The following PHEX variants were observed in gnomAD, a reference collection of about 807,000 sequenced individuals.
PHEX encodes the protein phosphate regulating endopeptidase X-linked.
Under a neutral mutation model 68.0 loss-of-function variants are expected in PHEX, and 16 were observed. The ratio of observed to expected loss-of-function variants is 0.24; its 90% CI spans 0.16 to 0.36. The LOEUF (loss-of-function observed/expected upper bound fraction) is 0.36, where lower values mean the gene tolerates loss of function less well. Among genes scored for constraint, PHEX ranks in the 10% least tolerant of loss-of-function variants. PHEX has a pLI of 1.00. For missense variants in PHEX, 480 were observed against 575.5 expected, an observed-to-expected ratio of 0.83 and a Z score of 1.70; for synonymous variants, 208 against 205.1, an observed-to-expected ratio of 1.01 and a Z score of -0.12.
chrX:22,236,271 T>C (rs960249750), intron 20 of PHEX, among the ~76,000 whole-genome samples: 3 of 112,492 alleles, frequency 2.7e-5, no homozygotes, highest in African/African-American at 6.5e-5. Context: ...TTTTCTTTTA[T>C]CTTCAACTCC....
At chrX:22,078,726 C>A (rs1398005305) in intron 5 of PHEX, among the ~76,000 whole-genome samples, 1 of 111,835 alleles carries the variant, frequency 8.9e-6, no homozygotes, top group African/African-American at 3.2e-5. Context: ...CTACTTAATT[C>A]TGCCATTGTG....
At chrX:22,198,297 G>T (rs778883064) in intron 15 of PHEX, among the ~76,000 whole-genome samples, 1 of 107,278 alleles carries the variant, frequency 9.3e-6, no homozygotes, top group Admixed American at 1.0e-4. Flanking sequence ...GGTATAGAGT[G>T]TGGTTCATAG....
chrX:22,131,929 G>A (rs775763120), intron 11 of PHEX, among the ~76,000 whole-genome samples: 4 of 111,005 alleles, frequency 3.6e-5, no homozygotes, highest in East Asian at 2.8e-4. Flanking sequence ...CTAATGTGAC[G>A]TGTCAGTAGC....
intron 20 of PHEX, among the ~76,000 whole-genome samples, chrX:22,236,860 T>C (rs917129692): frequency 8.9e-6 from 1 of 112,614 alleles, no homozygotes; most frequent in African/African-American, 3.2e-5. Context: ...AATAAACTAA[T>C]TGATTGATAG....
chrX:22,211,628 C>G (rs1355676205), intron 15 of PHEX, among the ~76,000 whole-genome samples: 4 of 112,147 alleles, frequency 3.6e-5, no homozygotes, highest in East Asian at 2.8e-4. Flanking sequence ...TACCAATACT[C>G]TCTACCTTTG....
At chrX:22,241,966 C>G (rs968093532) in intron 20 of PHEX, among the ~76,000 whole-genome samples, 4 of 111,383 alleles carry the variant, frequency 3.6e-5, no homozygotes, top group Admixed American at 1.9e-4. Context: ...CTGGCAGAGA[C>G]ACAACAAAAA....
At chrX:22,185,921 AATTTTT>A (rs2147134772) in intron 14 of PHEX, among the ~76,000 whole-genome samples, 1 of 110,002 alleles carries the variant, frequency 9.1e-6, no homozygotes, top group Admixed American at 9.7e-5. Flanking sequence ...ACGCTGAGCT[AATTTTT>A]GTAGTTTTAG....
At chrX:22,041,779 A>C (rs1220723676) in intron 2 of PHEX, among the ~76,000 whole-genome samples, 1 of 110,532 alleles carries the variant, frequency 9.0e-6, no homozygotes, top group East Asian at 2.8e-4. Context: ...AGTTTAGAAC[A>C]CTTTTTTGTA....
intron 12 of PHEX, among the ~76,000 whole-genome samples, chrX:22,136,595 GCTAATTA>G (rs766285910): frequency 8.9e-6 from 1 of 112,218 alleles, no homozygotes; most frequent in East Asian, 2.8e-4. Context: ...CTGGACCGCA[GCTAATTA>G]CAGAGCCTCC....
At chrX:22,153,703 G>A (rs765740729) in intron 12 of PHEX, among the ~76,000 whole-genome samples, 73 of 111,435 alleles carry the variant, frequency 6.6e-4, no homozygotes, top group African/African-American at 2.1e-3. Context: ...TTCGAATCTC[G>A]GGTGTTCTAT....
chrX:22,125,674 T>C (rs779090789), intron 11 of PHEX, among the ~76,000 whole-genome samples: 1 of 112,020 alleles, frequency 8.9e-6, no homozygotes, highest in Non-Finnish European at 1.9e-5. Flanking sequence ...ACAGTCATTC[T>C]GGAGACATTT....
intron 12 of PHEX, among the ~76,000 whole-genome samples, chrX:22,150,593 C>T (rs1344109334): frequency 1.8e-5 from 2 of 111,810 alleles, no homozygotes; most frequent in African/African-American, 6.5e-5. Context: ...GGCCGTGAGC[C>T]AATAAAACTT....
chrX:22,166,528 T>TTATA (rs397896114), intron 12 of PHEX, among the ~76,000 whole-genome samples: 1 of 109,243 alleles, frequency 9.2e-6, no homozygotes, highest in African/African-American at 3.3e-5. Flanking sequence ...TGTCAAAATT[T>TTATA]TATATATATA....
intron 14 of PHEX, among the ~76,000 whole-genome samples, 186 bp downstream of exon 14, chrX:22,178,562 C>G: frequency 9.0e-6 from 1 of 111,498 alleles, no homozygotes; most frequent in Non-Finnish European, 1.9e-5. Flanking sequence ...GATCTTAAGT[C>G]TAATTACAGG....
chrX:22,136,050 T>C (rs1270670934), intron 12 of PHEX, among the ~76,000 whole-genome samples: 1 of 109,994 alleles, frequency 9.1e-6, no homozygotes, highest in African/African-American at 3.3e-5. Flanking sequence ...TTTTTTTTTT[T>C]TTTCCCCTCA....
chrX:22,250,198 G>A lies in PHEX; in HGVS notation c.*2245G>A, dbSNP rs1936530534. ...AGAAGGATTGAATTTCCAAATACAT[G>A]CTTATGTTTAACTCAACTCTTCCAA... On this transcript the variant is annotated 3_prime_UTR_variant, in exon 22 of 22. Coordinates refer to ENST00000379374, the MANE Select transcript of PHEX (RefSeq NM_000444.6). The A allele has an allele frequency of 8.9e-6, 1 of 112,138 alleles. No homozygotes were observed. Among genetic ancestry groups the A allele is most frequent in the Non-Finnish European group, 1.9e-5 (1 of 53,252 alleles). 9.2% of individuals were successfully genotyped at this position (112,138 alleles called of 1,213,427 possible).
chrX:22,228,784 T>C (rs1935603274), intron 20 of PHEX, among the ~76,000 whole-genome samples: 1 of 111,762 alleles, frequency 8.9e-6, no homozygotes, highest in Non-Finnish European at 1.9e-5. Flanking sequence ...ACGTGCAGTT[T>C]TGTTACATAG....
chrX:22,196,256 C>G (rs1473708052), intron 15 of PHEX, among the ~76,000 whole-genome samples: 1 of 112,320 alleles, frequency 8.9e-6, no homozygotes, highest in Non-Finnish European at 1.9e-5. Context: ...CTCCTTTTCT[C>G]CATAAAAATG....
rs998427889 is a variant in PHEX at position 22,063,558 on chromosome X, G to A, written c.350-12830G>A. Among the ~76,000 whole-genome samples the A allele has an allele frequency of 2.7e-5, 3 of 111,729 alleles. No individual in the cohort carries two copies. In the Admixed American group the frequency reaches 2.9e-4, roughly 11 times the overall value. ...TGAAGAAAGGAGGCAATTGTGTTTCGCCTGAGGTCTGAAGGCTGCATAGCC... is the reference window on the plus strand; with the variant it reads ...TGAAGAAAGGAGGCAATTGTGTTTCACCTGAGGTCTGAAGGCTGCATAGCC... On this transcript the variant is annotated intron_variant, in intron 3 of 21. Transcript: ENST00000379374.
Sources: gnomAD v4.1 joint callset for allele counts (sites outside exome capture counted in the v4.1 genomes callset) on GRCh38, gnomAD v4.1.1 for gene constraint, MANE v1.5 for transcripts, NCBI Gene and HGNC (gene_info 2026-07-23, HGNC 2026-07-21) for gene names.